DLG3: variants seen among roughly 807,000 people sequenced by gnomAD.
The protein encoded by DLG3 is discs large MAGUK scaffold protein 3.
A neutral mutation model predicts 64.1 loss-of-function variants in DLG3; 1 was observed. That is an observed-to-expected ratio of 0.02 (90% CI 0.01 to 0.07). The LOEUF is 0.07. Among genes scored for constraint, DLG3 ranks in the 10% least tolerant of loss-of-function variants. The pLI is 1.00. For synonymous variants in DLG3, 245 were observed against 259.8 expected, an observed-to-expected ratio of 0.94 and a Z score of 0.55; for missense variants, 429 against 669.5, an observed-to-expected ratio of 0.64 and a Z score of 3.96.
rs1312434272 is a variant in DLG3 at position 70,449,398 on chromosome X, G to A, written c.448G>A (p.Asp150Asn). ...GGGCTTCAGTATCGCAGGTGGCATC[G>A]ACAATCCCCATGTCCCTGATGACCC... ...GLGFSIAGGI[D>N]NPHVPDDPGI... The change falls in exon 3 of 19, where the codon GAC becomes AAC. Residue 150 changes from aspartate to asparagine, a missense_variant. Around this residue, in one of 9 missense-constraint regions of DLG3, gnomAD observed 73 missense variants for 158.5 expected, o/e 0.46. Transcript: ENST00000374360. 4 of 1,211,624 alleles carry A rather than the reference G, an allele frequency of 3.3e-6. No homozygotes were observed. The highest frequency in any genetic ancestry group is 4.5e-6 in the Non-Finnish European group (4 of 895,446).
At chrX:70,453,246 CT>C (rs1205038485) in intron 7 of DLG3, 1 of 183,368 alleles carries the variant, frequency 5.5e-6, no homozygotes, top group Non-Finnish European at 1.0e-5. Flanking sequence ...TCCACTGCCC[CT>C]AACTGCTTCC....
chrX:70,499,419 G>A (rs1007088146), intron 15 of DLG3, 142 bp downstream of exon 15: 9 of 519,298 alleles, frequency 1.7e-5, no homozygotes, highest in Non-Finnish European at 2.7e-5. Flanking sequence ...AACAGTAGGT[G>A]GCAATATATT....
intron 10 of DLG3, among the ~76,000 whole-genome samples, chrX:70,490,393 A>T (rs1298316348): frequency 9.0e-6 from 1 of 111,512 alleles, no homozygotes; most frequent in East Asian, 2.8e-4. Context: ...AGGCAGTGAG[A>T]ATGCATTCAG....
chrX:70,502,018 C>T, intron 18 of DLG3, 145 bp from the exon 19 acceptor site: 1 of 511,387 alleles, frequency 2.0e-6, no homozygotes, highest in South Asian at 2.8e-5. Context: ...CAAGCCCAAA[C>T]CCATACTCCT....
At chrX:70,456,309 A>G (rs1461675625) in intron 9 of DLG3, among the ~76,000 whole-genome samples, 1 of 112,721 alleles carries the variant, frequency 8.9e-6, no homozygotes, top group East Asian at 2.8e-4. Context: ...TAGACAACAC[A>G]GGTTCTGCAA....
rs2087618247 is a variant in DLG3 at position 70,504,389 on chromosome X, A to G, written c.*2120A>G. 8.9e-6 allele frequency: 1 copy of G among 112,550 alleles called. No homozygotes were observed. The highest frequency in any genetic ancestry group is 9.4e-5 in the Admixed American group (1 of 10,661). The allele number at this position is 112,550 out of a possible 1,213,427, so 9.3% of individuals were successfully genotyped here. A position where few individuals can be genotyped will look rare whatever the true frequency, so the allele number is the denominator to read the frequency against. ...TGAACTGTGGCTCAGAGACCTTCTT[A>G]AAGTAGTTGAGAAGGGAGGGCGTGG... On this transcript the variant is annotated 3_prime_UTR_variant, in exon 19 of 19. Coordinates refer to ENST00000374360, the MANE Select transcript of DLG3 (RefSeq NM_021120.4).
intron 12 of DLG3, among the ~76,000 whole-genome samples, 188 bp downstream of exon 12, chrX:70,492,784 A>G (rs1222668671): frequency 1.8e-5 from 2 of 112,410 alleles, no homozygotes; most frequent in Non-Finnish European, 3.8e-5. Flanking sequence ...GTTCACAGCC[A>G]GTCTGTGCTC....
chrX:70,470,609 G>C (rs6525367), intron 9 of DLG3, among the ~76,000 whole-genome samples: 1 of 110,502 alleles, frequency 9.0e-6, no homozygotes, highest in Admixed American at 9.7e-5. Context: ...TTGGTAGTCT[G>C]TACTATATGC....
intron 10 of DLG3, among the ~76,000 whole-genome samples, chrX:70,482,660 G>GTTTTTTCT (rs200729766): frequency 1.4e-5 from 1 of 69,250 alleles, no homozygotes. Flanking sequence ...TACATGTGTG[G>GTTTTTTCT]TGTTTTTTTT....
intron 1 of DLG3, chrX:70,448,579 G>A (rs2086588765): frequency 8.6e-7 from 1 of 1,162,952 alleles, no homozygotes; most frequent in Non-Finnish European, 1.1e-6. Context: ...ATCCCCCTTA[G>A]GCCAGGCCTG....
chrX:70,482,662 G>GT (rs774419870), intron 10 of DLG3, among the ~76,000 whole-genome samples: 963 of 66,007 alleles, frequency 0.015, 49 homozygotes, highest in Non-Finnish European at 0.019. Flanking sequence ...CATGTGTGGT[G>GT]TTTTTTTTTT....
In DLG3 at chrX:70,495,682, G is replaced by A. The variant is rs187344063; in HGVS notation, c.1819+229G>A. 1.3e-3 allele frequency among the ~76,000 whole-genome samples: 147 copies of A among 111,746 alleles called. 1 individual carries two copies. The highest frequency in any genetic ancestry group is 0.013 in the Admixed American group (135 of 10,532). Reference sequence around the variant, plus strand: ...TCATTCATGCCTTTGTTTACCTTTTGCTACTCAAAGTGGGAGGGCGTGAGC... The same window carrying A: ...TCATTCATGCCTTTGTTTACCTTTTACTACTCAAAGTGGGAGGGCGTGAGC... On this transcript the variant is annotated intron_variant, in intron 13 of 18. Coordinates refer to ENST00000374360, the MANE Select transcript of DLG3 (RefSeq NM_021120.4).
rs148987473 is a variant in DLG3, at chrX:70,478,677, A to G, written c.1406-473A>G. Among the ~76,000 whole-genome samples the G allele has an allele frequency of 6.6e-3, 738 of 111,368 alleles. 6 individuals are homozygous for G. The highest frequency in any genetic ancestry group is 0.023 in the African/African-American group (705 of 30,635). On this transcript the variant is annotated intron_variant, in intron 9 of 18. Coordinates refer to ENST00000374360, the MANE Select transcript of DLG3 (RefSeq NM_021120.4). ...CCTGAAAAAATTGTCTTCTTGCCTA[A>G]CAATGATATAATTGACCTCAGGTCC...
chrX:70,461,335 T>C (rs1389447601), intron 9 of DLG3, among the ~76,000 whole-genome samples: 1 of 112,318 alleles, frequency 8.9e-6, no homozygotes, highest in Non-Finnish European at 1.9e-5. Flanking sequence ...ATTTTTCATG[T>C]GCTTATTGTT....
Position 70,451,988 on chromosome X carries a change from T to C in DLG3, c.1107T>C (p.Pro369=), listed in dbSNP as rs747404184. The C allele has an allele frequency of 5.0e-6, 6 of 1,209,246 alleles. No individual in the cohort carries two copies. The East Asian group carries it at 1.8e-4, about 36-fold the overall frequency. ...PPQVPPTRYS[P]IPRHMLAEED... is the part of the protein sequence containing the mutation. ...AGGTTCCCCCCACCCGCTACTCTCC[T>C]ATTCCCAGGCACATGCTGGCTGAGG... Residue 369 remains proline (P), a synonymous_variant, in exon 7 of 19, where the codon CCT becomes CCC. Transcript: ENST00000374360.
intron 12 of DLG3, 95 bp from the exon 13 acceptor site, chrX:70,495,312 CA>C (rs1041505425): frequency 4.7e-6 from 4 of 852,502 alleles, no homozygotes; most frequent in Admixed American, 2.3e-5. Context: ...CTCTTCTCCC[CA>C]AATCTCTCCC....
At chrX:70,480,017 G>T (rs892430847) in intron 10 of DLG3, among the ~76,000 whole-genome samples, 7 of 111,834 alleles carry the variant, frequency 6.3e-5, no homozygotes, top group Non-Finnish European at 5.6e-5. Flanking sequence ...ATAGAATTAG[G>T]GATAGCTTCC....
At chrX:70,499,612 C>T (rs2087519141) in intron 15 of DLG3, among the ~76,000 whole-genome samples, 1 of 111,658 alleles carries the variant, frequency 9.0e-6, no homozygotes, top group Admixed American at 9.5e-5. Context: ...AAGTTTGGCA[C>T]CCTCTGCCAT....
At chrX:70,456,573 A>G (rs751709467) in intron 9 of DLG3, among the ~76,000 whole-genome samples, 9 of 111,714 alleles carry the variant, frequency 8.1e-5, no homozygotes, top group Non-Finnish European at 1.5e-4. Context: ...CATATTTCTG[A>G]GAGTTTATAA....
Sources: gnomAD v4.1 joint callset for allele counts (sites outside exome capture counted in the v4.1 genomes callset) on GRCh38, gnomAD v4.1.1 for gene constraint, gnomAD v4.1.1 regional missense constraint, MANE v1.5 for transcripts, NCBI Gene and HGNC (gene_info 2026-07-23, HGNC 2026-07-21) for gene names.